RHBDD1: variants seen among roughly 807,000 people sequenced by gnomAD.
RHBDD1 encodes rhomboid domain containing 1.
In RHBDD1, 38 loss-of-function variants were observed where a neutral mutation model predicts 36.3. The ratio of observed to expected loss-of-function variants is 1.05; its 90% CI spans 0.81 to 1.37. RHBDD1 has a LOEUF of 1.37. Among genes scored for constraint, RHBDD1 ranks in the 40% most tolerant of loss-of-function variants. The probability of loss-of-function intolerance (pLI) is 0.00; values close to 1 mark genes in which losing one functional copy is unlikely to be tolerated. For synonymous variants in RHBDD1, 151 were observed against 136.5 expected, an observed-to-expected ratio of 1.11 and a Z score of -0.74; for missense variants, 393 against 377.6, an observed-to-expected ratio of 1.04 and a Z score of -0.34.
intron 7 of RHBDD1, among the ~76,000 whole-genome samples, chr2:226,912,308 T>C (rs368916634): frequency 6.6e-6 from 1 of 152,110 alleles, no homozygotes; most frequent in Admixed American, 6.5e-5. Context: ...ATTCCTCAGA[T>C]AGTTAAACAG....
intron 8 of RHBDD1, chr2:226,988,562 G>T: frequency 7.2e-7 from 1 of 1,389,630 alleles, no homozygotes; most frequent in Non-Finnish European, 9.3e-7. Flanking sequence ...GCGGACTGGT[G>T]TGGAATCTGC....
At chr2:226,905,227 A>G (rs1311599557) in intron 5 of RHBDD1, among the ~76,000 whole-genome samples, 3 of 148,706 alleles carry the variant, frequency 2.0e-5, no homozygotes, top group African/African-American at 7.5e-5. Context: ...GCCCTCAGGG[A>G]GTTTGTGTGT....
chr2:226,831,647 T>C (rs1307205242), upstream of RHBDD1, among the ~76,000 whole-genome samples: 1 of 152,142 alleles, frequency 6.6e-6, no homozygotes, highest in Non-Finnish European at 1.5e-5. Flanking sequence ...TCGAGCTTCA[T>C]GTCTCTAGAA....
At chr2:226,900,583 T>C (rs1370969182) in intron 5 of RHBDD1, among the ~76,000 whole-genome samples, 1 of 152,182 alleles carries the variant, frequency 6.6e-6, no homozygotes, top group African/African-American at 2.4e-5. Context: ...ATTGAACATA[T>C]ATTTTGTGTA....
intron 8 of RHBDD1, among the ~76,000 whole-genome samples, chr2:226,948,009 C>T (rs1310393078): frequency 2.0e-5 from 3 of 152,224 alleles, no homozygotes; most frequent in Non-Finnish European, 4.4e-5. Context: ...GTCAGTGTGG[C>T]GATTCCTCAG....
chr2:226,810,912 G>C, the RHBDD1 span: 1 of 152,062 alleles, frequency 6.6e-6, no homozygotes, highest in Non-Finnish European at 1.5e-5. Flanking sequence ...TTTATTATAG[G>C]TCAACTGAGA....
Position 226,906,899 on chromosome 2 carries a change from T to A in RHBDD1, c.655+18T>A. On this transcript the variant is annotated intron_variant, in intron 6 of 8. Coordinates refer to ENST00000392062, the MANE Select transcript of RHBDD1 (RefSeq NM_001167608.3). ...ATGTGCAGGTACAGAATAAAACACC[T>A]TTGGCATGACAACAGCTTGGAAGTT... The A allele has an allele frequency of 6.2e-7, 1 of 1,612,168 alleles. No individual in the cohort carries two copies. The highest frequency in any genetic ancestry group is 8.5e-7 in the Non-Finnish European group (1 of 1,178,226).
At chr2:226,864,307 G>A (rs2125225821) in intron 3 of RHBDD1, among the ~76,000 whole-genome samples, 1 of 152,214 alleles carries the variant, frequency 6.6e-6, no homozygotes, top group South Asian at 2.1e-4. Context: ...TTTTTCATGA[G>A]GTTACATGTT....
chr2:226,878,196 T>C (rs771149577), intron 5 of RHBDD1, among the ~76,000 whole-genome samples: 1 of 152,146 alleles, frequency 6.6e-6, no homozygotes, highest in Non-Finnish European at 1.5e-5. Context: ...GGGAGCTTCA[T>C]GTAGTTAGGG....
At chr2:226,860,919 T>C (rs1943796337) in intron 3 of RHBDD1, among the ~76,000 whole-genome samples, 1 of 152,156 alleles carries the variant, frequency 6.6e-6, no homozygotes, top group South Asian at 2.1e-4. Context: ...CTTCAACAAA[T>C]AGAAGTAGGC....
chr2:226,827,965 A>C, the RHBDD1 span, among the ~76,000 whole-genome samples: 1 of 152,216 alleles, frequency 6.6e-6, no homozygotes, highest in Admixed American at 6.5e-5. Context: ...GTTAATGTGG[A>C]ATTTACATAG....
intron 5 of RHBDD1, among the ~76,000 whole-genome samples, chr2:226,895,041 G>A (rs1035153972): frequency 1.3e-5 from 2 of 152,200 alleles, no homozygotes; most frequent in East Asian, 1.9e-4. Flanking sequence ...CTGGCAGAAG[G>A]GAGAGAGAAG....
At chr2:226,862,856 G>A (rs1198878068) in intron 3 of RHBDD1, among the ~76,000 whole-genome samples, 2 of 152,236 alleles carry the variant, frequency 1.3e-5, no homozygotes, top group African/African-American at 4.8e-5. Flanking sequence ...AGCATGTGCA[G>A]AGATCATGTG....
At chr2:226,933,978 G>A (rs1950188857) in intron 8 of RHBDD1, among the ~76,000 whole-genome samples, 1 of 151,994 alleles carries the variant, frequency 6.6e-6, no homozygotes, top group South Asian at 2.1e-4. Context: ...TTTAGACTAA[G>A]GAGTTAATGT....
chr2:226,817,191 C>T, the RHBDD1 span, among the ~76,000 whole-genome samples: 1 of 152,172 alleles, frequency 6.6e-6, no homozygotes, highest in Non-Finnish European at 1.5e-5. Context: ...TGTTTAAGAG[C>T]AGGCAAGGTC....
Position 226,995,804 on chromosome 2 carries a change from G to A in RHBDD1, c.*282G>A, listed in dbSNP as rs930836612. ...TCCCATCTCTCACTGCTGACTCAGC[G>A]ATGCCTCTGCCTCGGTCTGCTTTTG... On this transcript the variant is annotated 3_prime_UTR_variant, in exon 9 of 9. Coordinates refer to ENST00000392062, the MANE Select transcript of RHBDD1 (RefSeq NM_001167608.3). 10 of 429,944 alleles carry A rather than the reference G, an allele frequency of 2.3e-5. No individual in the cohort carries two copies. The highest frequency in any genetic ancestry group is 1.6e-4 in the Admixed American group (4 of 24,424). 26.6% of individuals were successfully genotyped at this position (429,944 alleles called of 1,614,324 possible).
chr2:226,951,443 T>A (rs996511460), intron 8 of RHBDD1, among the ~76,000 whole-genome samples: 1 of 152,294 alleles, frequency 6.6e-6, no homozygotes, highest in East Asian at 1.9e-4. Flanking sequence ...ATTAGAAAAT[T>A]TAGCAAATTA....
intron 3 of RHBDD1, among the ~76,000 whole-genome samples, chr2:226,846,041 CT>C (rs1942182774): frequency 6.6e-6 from 1 of 152,162 alleles, no homozygotes; most frequent in African/African-American, 2.4e-5. Context: ...GTCAGAACAT[CT>C]GATCTTGGGT....
At chr2:226,957,020 A>G (rs1367777162) in intron 8 of RHBDD1, among the ~76,000 whole-genome samples, 3 of 152,248 alleles carry the variant, frequency 2.0e-5, no homozygotes, top group Non-Finnish European at 2.9e-5. Flanking sequence ...TCAATGAGGT[A>G]TCTTTGAAGT....
Sources: gnomAD v4.1 joint callset for allele counts (sites outside exome capture counted in the v4.1 genomes callset) on GRCh38, gnomAD v4.1.1 for gene constraint, MANE v1.5 for transcripts, NCBI Gene and HGNC (gene_info 2026-07-23, HGNC 2026-07-21) for gene names.